The following HMGXB3 variants were observed in gnomAD, a reference collection of about 807,000 sequenced individuals.
HMGXB3 encodes the protein HMG-box containing 3.
HMGXB3 carries 45 observed loss-of-function variants against 121.5 expected under a neutral mutation model. The ratio of observed to expected loss-of-function variants is 0.37; its 90% CI spans 0.29 to 0.47. HMGXB3 has a LOEUF of 0.47. Among genes scored for constraint, HMGXB3 ranks in the 20% least tolerant of loss-of-function variants. The pLI is 0.99. For missense variants in HMGXB3, 1,376 were observed against 1,602.2 expected, an observed-to-expected ratio of 0.86 and a Z score of 2.41; for synonymous variants, 590 against 624.1, an observed-to-expected ratio of 0.95 and a Z score of 0.81.
intron 5 of HMGXB3, among the ~76,000 whole-genome samples, chr5:150,016,599 T>C (rs1376000949): frequency 2.0e-5 from 3 of 152,222 alleles, no homozygotes; most frequent in African/African-American, 7.2e-5. Context: ...AAGAAATCTA[T>C]TTTTCCATCC....
chr5:150,050,195 A>G (rs1756856729), intron 18 of HMGXB3, 57 bp from the exon 19 acceptor site: 5 of 1,411,440 alleles, frequency 3.5e-6, no homozygotes, highest in Non-Finnish European at 4.9e-6. Flanking sequence ...AGAACTGTAC[A>G]CTCTCTGCAG....
In HMGXB3 at chr5:150,051,732, C is replaced by T. The variant is rs1756903961; in HGVS notation, c.3419C>T (p.Ser1140Phe). ...TTCTCATTTCTCTTCTAGAGTGTGTCCTGCCCAGAGCTCTTGGACCAGCAT... is the reference window on the plus strand; with the variant it reads ...TTCTCATTTCTCTTCTAGAGTGTGTTCTGCCCAGAGCTCTTGGACCAGCAT... ...SSPTEPPVSV[S>F]CPELLDQHYT... Residue 1140 changes from serine to phenylalanine, a missense_variant, in exon 20 of 20, where the codon TCC becomes TTC. Ser to Phe is a radical substitution (Grantham distance 155). Coordinates refer to ENST00000502717, the MANE Select transcript of HMGXB3 (RefSeq NM_014983.3). 3.3e-6 allele frequency: 5 copies of T among 1,524,286 alleles called. No individual in the cohort carries two copies. The highest frequency in any genetic ancestry group is 2.5e-5 in the East Asian group (1 of 40,530). The allele number at this position is 1,524,286 out of a possible 1,614,324, so 94.4% of individuals were successfully genotyped here. A position where few individuals can be genotyped will look rare whatever the true frequency, so the allele number is the denominator to read the frequency against.
At chr5:150,004,782 T>C in intron 1 of HMGXB3, 69 bp from the exon 2 acceptor site, 2 of 1,080,522 alleles carry the variant, frequency 1.9e-6, no homozygotes, top group Non-Finnish European at 2.7e-6. Flanking sequence ...AGGGGTTATT[T>C]GATCAGGAAG....
intron 1 of HMGXB3, among the ~76,000 whole-genome samples, chr5:150,002,234 GT>G (rs1561843620): frequency 6.6e-6 from 1 of 152,114 alleles, no homozygotes; most frequent in South Asian, 2.1e-4. Flanking sequence ...TCTAGGAGAG[GT>G]TTTTTGTTGT....
At chr5:150,026,682 G>A (rs1756237793) in intron 7 of HMGXB3, 24 bp from the exon 8 acceptor site, 2 of 1,537,860 alleles carry the variant, frequency 1.3e-6, no homozygotes, top group African/African-American at 2.8e-5. Context: ...AGAATTTCCA[G>A]ATTTCTCTTC....
chr5:150,012,729 T>C (rs1034604599), intron 5 of HMGXB3, among the ~76,000 whole-genome samples: 4 of 152,226 alleles, frequency 2.6e-5, no homozygotes, highest in South Asian at 2.1e-4. Flanking sequence ...AAAAGGGCCA[T>C]AGGAGAGAAA....
At chr5:150,003,262 A>G (rs1755620798) in intron 1 of HMGXB3, among the ~76,000 whole-genome samples, 1 of 152,258 alleles carries the variant, frequency 6.6e-6, no homozygotes, top group Non-Finnish European at 1.5e-5. Context: ...CAGATGTAGA[A>G]CATTTCCATC....
intron 6 of HMGXB3, chr5:150,021,601 C>A: frequency 2.2e-6 from 1 of 448,702 alleles, no homozygotes; most frequent in South Asian, 1.9e-5. Context: ...CACCTCAACT[C>A]CTGGCTCAGT....
At chr5:150,009,218 A>G (rs1755773960) in intron 3 of HMGXB3, among the ~76,000 whole-genome samples, 2 of 152,182 alleles carry the variant, frequency 1.3e-5, no homozygotes, top group Admixed American at 1.3e-4. Context: ...TGATACTTAG[A>G]AGACCTGGCC....
chr5:150,007,372 T>C (rs1755726049), intron 3 of HMGXB3, among the ~76,000 whole-genome samples: 1 of 152,210 alleles, frequency 6.6e-6, no homozygotes, highest in African/African-American at 2.4e-5. Flanking sequence ...TTTTTTAAAC[T>C]GAAATTCCTG....
intron 11 of HMGXB3, 127 bp downstream of exon 11, chr5:150,032,730 G>T: frequency 8.7e-7 from 1 of 1,155,690 alleles, no homozygotes; most frequent in Non-Finnish European, 1.2e-6. Context: ...TGAACCAGTT[G>T]GTGGGTTCTG....
At chr5:150,044,236 T>C (rs1163703422) in intron 15 of HMGXB3, among the ~76,000 whole-genome samples, 1 of 152,222 alleles carries the variant, frequency 6.6e-6, no homozygotes, top group Non-Finnish European at 1.5e-5. Context: ...AAAACTTAAA[T>C]ATGCTGTTAT....
chr5:150,034,463 A>G (rs1218471431), intron 11 of HMGXB3, among the ~76,000 whole-genome samples: 5 of 152,126 alleles, frequency 3.3e-5, no homozygotes, highest in African/African-American at 4.8e-5. Context: ...CGCGGTTTGC[A>G]GTGGAAGTGG....
chr5:150,020,316 A>G (rs144442456), intron 6 of HMGXB3, among the ~76,000 whole-genome samples: 1 of 152,344 alleles, frequency 6.6e-6, no homozygotes, highest in African/African-American at 2.4e-5. Flanking sequence ...CTCTGAAGCC[A>G]TCAGTGTATT....
chr5:150,018,042 G>T (rs770210679), intron 5 of HMGXB3, among the ~76,000 whole-genome samples: 10 of 152,116 alleles, frequency 6.6e-5, no homozygotes, highest in Non-Finnish European at 1.5e-4. Flanking sequence ...CTGAATCCCA[G>T]GTCCTTGGTT....
chr5:150,018,601 C>T lies in HMGXB3; in HGVS notation c.945C>T (p.Cys315=). Residue 315 remains cysteine (C), a synonymous_variant, in exon 6 of 20, where the codon TGC becomes TGT. Coordinates refer to ENST00000502717, the MANE Select transcript of HMGXB3 (RefSeq NM_014983.3). ...ATACCCGCCGGGGCCATGGGACATG[C>T]ACCAGCCCAGGGTGCTCCTTTACAT... The part of the protein sequence containing the change: ...TTYTRRGHGT[C]TSPGCSFTYV... The T allele has an allele frequency of 6.4e-7, 1 of 1,550,652 alleles. No individual in the cohort carries two copies. The highest frequency in any genetic ancestry group is 8.7e-7 in the Non-Finnish European group (1 of 1,146,526).
Position 150,006,645 on chromosome 5 carries a change from C to T in HMGXB3, c.310C>T (p.Pro104Ser). The T allele has an allele frequency of 6.4e-7, 1 of 1,550,734 alleles. No homozygotes were observed. Among genetic ancestry groups the T allele is most frequent in the East Asian group, 2.4e-5 (1 of 40,908 alleles). ...CAAACTAGAGAAGGAAGGTTTGGAT[C>T]CTGTAAGTAATTTTTTTTTCCAGCT... ...KAKLEKEGLD[P>S]NSKLSALTAV... The change falls in exon 3 of 20, where the codon CCT becomes TCT. Residue 104 changes from proline to serine, a missense_variant and splice_region_variant. By Grantham distance (74) the Pro-to-Ser change is moderately conservative. Transcript: ENST00000502717.
chr5:150,009,097 G>A (rs1288845769), intron 3 of HMGXB3, among the ~76,000 whole-genome samples: 2 of 152,002 alleles, frequency 1.3e-5, no homozygotes, highest in African/African-American at 4.8e-5. Context: ...GAACTTTTCT[G>A]TTTTCCTTAT....
intron 14 of HMGXB3, 83 bp from the exon 15 acceptor site, chr5:150,041,702 T>C (rs1158511905): frequency 2.1e-6 from 2 of 975,152 alleles, no homozygotes; most frequent in Admixed American, 4.4e-5. Flanking sequence ...GCAGAATTGC[T>C]CTACTTACTA....
Sources: gnomAD v4.1 joint callset for allele counts (sites outside exome capture counted in the v4.1 genomes callset) on GRCh38, gnomAD v4.1.1 for gene constraint, MANE v1.5 for transcripts, NCBI Gene and HGNC (gene_info 2026-07-23, HGNC 2026-07-21) for gene names.